The following ZNF473 variants were observed in gnomAD, a reference collection of about 807,000 sequenced individuals.
ZNF473 encodes zinc finger protein 100 homolog.
In ZNF473, 4 loss-of-function variants were observed where a neutral mutation model predicts 11.1. The observed-to-expected ratio is 0.36, with a 90% CI of 0.18 to 0.82. The LOEUF is 0.82. Ranked by LOEUF, ZNF473 falls within the 40% of genes least tolerant of loss-of-function variation. The probability of loss-of-function intolerance (pLI) is 0.49; values close to 1 mark genes in which losing one functional copy is unlikely to be tolerated. For missense variants in ZNF473, 854 were observed against 1,084.0 expected, an observed-to-expected ratio of 0.79 and a Z score of 2.98; for synonymous variants, 404 against 390.4, an observed-to-expected ratio of 1.03 and a Z score of -0.41.
chr19:50,030,930 A>AT lies in ZNF473; in HGVS notation c.-149dup. On this transcript the variant is annotated 5_prime_UTR_variant, in exon 2 of 5. Coordinates refer to ENST00000270617, the MANE Select transcript of ZNF473 (RefSeq NM_015428.4). Reference sequence around the variant, plus strand: ...GGGACTTGTCCTCCTCCTCCTGGACATTTTGGGGGCTCGTCAGCATGGACA... The same window carrying AT: ...GGGACTTGTCCTCCTCCTCCTGGACATTTTTGGGGGCTCGTCAGCATGGACA... 9.1e-7 allele frequency: 1 copy of AT among 1,100,682 alleles called. No homozygotes were observed. Among genetic ancestry groups the AT allele is most frequent in the Non-Finnish European group, 1.3e-6 (1 of 745,154 alleles). 68.2% of individuals were successfully genotyped at this position (1,100,682 alleles called of 1,614,324 possible).
intron 1 of ZNF473, among the ~76,000 whole-genome samples, chr19:50,030,510 C>A (rs11083998): frequency 0.053 from 7,990 of 152,062 alleles, 692 homozygotes; most frequent in African/African-American, 0.18. Context: ...ACCGTGTCTC[C>A]AAAAAAGAGT....
Position 50,048,143 on chromosome 19 carries a change from A to T in ZNF473, c.*1084A>T, listed in dbSNP as rs1483356589. The stretch of plus-strand genomic sequence containing the variant: ...GACGATTGCTGTTAGTTGACAAGTG[A>T]CATCTTGAAAATGCCACATTCCCTC... On this transcript the variant is annotated 3_prime_UTR_variant, in exon 5 of 5. Coordinates refer to ENST00000270617, the MANE Select transcript of ZNF473 (RefSeq NM_015428.4). The T allele has an allele frequency of 6.6e-6, 1 of 152,210 alleles. No individual in the cohort carries two copies. The allele number at this position is 152,210 out of a possible 1,614,324, so 9.4% of individuals were successfully genotyped here.
chr19:50,046,282 C>T lies in ZNF473; in HGVS notation c.1839C>T (p.His613=). The change falls in exon 5 of 5, where the codon CAC becomes CAT. Residue 613 remains histidine, a synonymous_variant. Transcript: ENST00000270617. The surrounding 1 kb of genome is among the most constrained non-coding windows in gnomAD (Gnocchi z 5.9). ...STRLIHHQRI[H]SRVRLYKWGE... The stretch of plus-strand genomic sequence containing the variant: ...GGCTCATTCACCATCAAAGAATCCA[C>T]TCTAGAGTGAGGCTGTATAAATGGG... 4 of 1,614,200 alleles carry T rather than the reference C, an allele frequency of 2.5e-6. No homozygotes were observed. The highest frequency in any genetic ancestry group is 3.4e-6 in the Non-Finnish European group (4 of 1,180,030).
At chr19:50,035,644 C>T (rs1391571664) in intron 2 of ZNF473, among the ~76,000 whole-genome samples, 2 of 152,120 alleles carry the variant, frequency 1.3e-5, no homozygotes, top group African/African-American at 4.8e-5. Flanking sequence ...CATCATTGGA[C>T]AGATAAGTAG....
At position 50,034,699 on chromosome 19, in the gene ZNF473, TGTTA is replaced by T. The variant is rs578212480; in HGVS notation, c.9+3614_9+3617del. On this transcript the variant is annotated intron_variant, in intron 2 of 4. Transcript: ENST00000270617. ...TCCTCCATCCCCTTCTGTTCTCAGC[TGTTA>T]GTTAGAGAACAGTTATTCGGTCCTT... 1.4e-3 allele frequency among the ~76,000 whole-genome samples: 212 copies of T among 152,298 alleles called. 1 individual carries two copies. The highest frequency in any genetic ancestry group is 4.7e-3 in the African/African-American group (196 of 41,532).
rs749113341 is a variant in ZNF473 at position 50,047,103 on chromosome 19, G to A, written c.*44G>A. On this transcript the variant is annotated 3_prime_UTR_variant, in exon 5 of 5. Coordinates refer to ENST00000270617, the MANE Select transcript of ZNF473 (RefSeq NM_015428.4). ...GTCCCAGAATATGAGACCGTTACTC[G>A]GATGTTGAAAGTTGGAAACTATCCC... The A allele has an allele frequency of 2.1e-4, 322 of 1,510,396 alleles. No individual in the cohort carries two copies. Among genetic ancestry groups the A allele is most frequent in the Admixed American group, 7.2e-4 (37 of 51,638 alleles). 93.6% of individuals were successfully genotyped at this position (1,510,396 alleles called of 1,614,324 possible).
chr19:50,046,069 A>G lies in ZNF473; in HGVS notation c.1626A>G (p.Gln542=). The change falls in exon 5 of 5, where the codon CAA becomes CAG. Residue 542 remains glutamine (Q), a synonymous_variant. Coordinates refer to ENST00000270617, the MANE Select transcript of ZNF473 (RefSeq NM_015428.4). This position sits in a 1 kb window ranked among gnomAD's most constrained non-coding sequence, Gnocchi z 5.9. ...CHESVHAREK[Q]GFFVSGKILD... Reference sequence around the variant, plus strand: ...AGAGTGTTCACGCCAGAGAAAAACAAGGATTTTTTGTGAGTGGGAAGATCT... The same window carrying G: ...AGAGTGTTCACGCCAGAGAAAAACAGGGATTTTTTGTGAGTGGGAAGATCT... The G allele has an allele frequency of 1.2e-6, 2 of 1,614,252 alleles. No homozygotes were observed. Among genetic ancestry groups the G allele is most frequent in the Non-Finnish European group, 1.7e-6 (2 of 1,180,052 alleles).
chr19:50,030,948 C>G lies in ZNF473; in HGVS notation c.-135C>G, dbSNP rs2077314478. The G allele has an allele frequency of 7.5e-7, 1 of 1,324,868 alleles. No homozygotes were observed. The allele number at this position is 1,324,868 out of a possible 1,614,324, so 82.1% of individuals were successfully genotyped here. On this transcript the variant is annotated 5_prime_UTR_variant, in exon 2 of 5. Transcript: ENST00000270617. ...CCTGGACATTTTGGGGGCTCGTCAGCATGGACAGCGAGTCAGCCATGGGTG... is the reference window on the plus strand; with the variant it reads ...CCTGGACATTTTGGGGGCTCGTCAGGATGGACAGCGAGTCAGCCATGGGTG...
At chr19:50,037,670 A>T (rs1052586351) in intron 2 of ZNF473, among the ~76,000 whole-genome samples, 16 of 151,718 alleles carry the variant, frequency 1.1e-4, no homozygotes, top group African/African-American at 3.9e-4. Context: ...AAAAAAAAAA[A>T]AATTAGCTGG....
In ZNF473 at chr19:50,046,483, CAG is replaced by C. The variant is rs1979130795; in HGVS notation, c.2043_2044del (p.Arg681SerfsTer12). The C allele has an allele frequency of 1.2e-6, 2 of 1,614,236 alleles. No individual in the cohort carries two copies. The highest frequency in any genetic ancestry group is 1.7e-6 in the Non-Finnish European group (2 of 1,180,038). ...ATCCCTTTAAATGTAGTAAGTGTGA[CAG>C]AGTCTTCACCCAGAGAAACTACCTT... ...ENPFKCSKCDRVFTQRNYLVQ... is the reference protein window; with the variant it reads ...ENPFKCSKCDXVFTQRNYLVQ... On this transcript the variant is annotated frameshift_variant, in exon 5 of 5. Coordinates refer to ENST00000270617, the MANE Select transcript of ZNF473 (RefSeq NM_015428.4). LOFTEE classifies it low-confidence loss of function (END_TRUNC). The surrounding 1 kb of genome is among the most constrained non-coding windows in gnomAD (Gnocchi z 5.9).
At chr19:50,044,007 C>T (rs1466795188) in intron 4 of ZNF473, among the ~76,000 whole-genome samples, 1 of 152,104 alleles carries the variant, frequency 6.6e-6, no homozygotes, top group Non-Finnish European at 1.5e-5. Context: ...ACACTCATTT[C>T]TTTTCTCCAG....
intron 2 of ZNF473, among the ~76,000 whole-genome samples, chr19:50,037,293 C>T (rs757497833): frequency 5.9e-5 from 9 of 152,122 alleles, no homozygotes; most frequent in Non-Finnish European, 1.3e-4. Context: ...TCACAAGAGA[C>T]ATGCAGCTTA....
chr19:50,026,379 A>G lies in ZNF473; in HGVS notation c.-192+257A>G, dbSNP rs531450869. ...ACAGCCAGGAGTTCCTCGAACCCCC[A>G]GTCTCTACTAAAAATACAAAAATTA... is the stretch of plus-strand genomic sequence containing the variant. On this transcript the variant is annotated intron_variant, in intron 1 of 4. Transcript: ENST00000270617. Among the ~76,000 whole-genome samples, 11 of 152,178 alleles carry G rather than the reference A, an allele frequency of 7.2e-5. No individual in the cohort carries two copies. The South Asian group carries it at 2.3e-3, about 32-fold the overall frequency.
chr19:50,040,231 C>T (rs1191480742), intron 3 of ZNF473, among the ~76,000 whole-genome samples: 1 of 152,236 alleles, frequency 6.6e-6, no homozygotes, highest in Non-Finnish European at 1.5e-5. Context: ...AAGCCAGGCA[C>T]AAGCTTCCAG....
chr19:50,033,174 A>G (rs557120295), intron 2 of ZNF473, among the ~76,000 whole-genome samples: 7 of 152,306 alleles, frequency 4.6e-5, no homozygotes, highest in African/African-American at 1.7e-4. Flanking sequence ...GGAAAGGGAT[A>G]GGGAGGCCCA....
Position 50,044,617 on chromosome 19 carries a change from T to G in ZNF473, c.227-53T>G. On this transcript the variant is annotated intron_variant, in intron 4 of 4. Transcript: ENST00000270617. ...AAGATCTATCACCCCTACTTGCTCT[T>G]GTCTGTGTTCTCACCCTTAGTGAAC... The G allele has an allele frequency of 2.7e-6, 4 of 1,456,062 alleles. No individual in the cohort carries two copies. In the South Asian group the frequency reaches 5.2e-5, roughly 19 times the overall value. The allele number at this position is 1,456,062 out of a possible 1,614,324, so 90.2% of individuals were successfully genotyped here.
rs1210793366 is a variant in ZNF473 at position 50,039,344 on chromosome 19, G to T, written c.136+57G>T. On this transcript the variant is annotated intron_variant, in intron 3 of 4. Transcript: ENST00000270617. The surrounding 1 kb of genome is among the most constrained non-coding windows in gnomAD (Gnocchi z 4.8). ...ACTGCCCTGCTTGGTGATCACCCATGCTCTCTACCACCCACAGGGTGAAGT... is the reference window on the plus strand; with the variant it reads ...ACTGCCCTGCTTGGTGATCACCCATTCTCTCTACCACCCACAGGGTGAAGT... 6.2e-7 allele frequency: 1 copy of T among 1,603,930 alleles called. No individual in the cohort carries two copies. The highest frequency in any genetic ancestry group is 8.5e-7 in the Non-Finnish European group (1 of 1,173,526).
rs1318074823 is a variant in ZNF473 at position 50,045,427 on chromosome 19, T to C, written c.984T>C (p.Ala328=). ...KSYNCNECGK[A]FTRIFHLTRH... ...ACAACTGTAACGAATGCGGCAAGGCTTTTACCCGGATCTTCCACCTTACTC... is the reference window on the plus strand; with the variant it reads ...ACAACTGTAACGAATGCGGCAAGGCCTTTACCCGGATCTTCCACCTTACTC... Residue 328 remains alanine, a synonymous_variant, in exon 5 of 5, where the codon GCT becomes GCC. Coordinates refer to ENST00000270617, the MANE Select transcript of ZNF473 (RefSeq NM_015428.4). 1.9e-6 allele frequency: 3 copies of C among 1,613,894 alleles called. No individual in the cohort carries two copies. The highest frequency in any genetic ancestry group is 2.2e-5 in the South Asian group (2 of 91,084).
At position 50,033,448 on chromosome 19, in the gene ZNF473, C is replaced by A. The variant is rs575790320; in HGVS notation, c.9+2357C>A. Among the ~76,000 whole-genome samples, 48 of 152,122 alleles carry A rather than the reference C, an allele frequency of 3.2e-4. 1 individual carries two copies. In the South Asian group the frequency reaches 1.0e-2, roughly 32 times the overall value. ...TCTCTGTCTTTAAATATGGTGAATCCGGAGGCCGTTGGAGGGTTTGGAGCA... is the reference window on the plus strand; with the variant it reads ...TCTCTGTCTTTAAATATGGTGAATCAGGAGGCCGTTGGAGGGTTTGGAGCA... On this transcript the variant is annotated intron_variant, in intron 2 of 4. Transcript: ENST00000270617.
Sources: allele counts gnomAD v4.1 joint callset (sites outside exome capture counted in the v4.1 genomes callset), GRCh38; gene constraint gnomAD v4.1.1; non-coding constraint Gnocchi (gnomAD v3.1); transcripts MANE v1.5; gene names NCBI Gene and HGNC (gene_info 2026-07-23, HGNC 2026-07-21).